Variants in TPRG1 observed in about 807,000 individuals in gnomAD.
The protein encoded by TPRG1 is tumor protein p63-regulated gene 1 protein.
TPRG1 carries 29 observed loss-of-function variants against 29.3 expected under a neutral mutation model. The ratio of observed to expected loss-of-function variants is 0.99; its 90% CI spans 0.74 to 1.35. TPRG1 has a LOEUF of 1.35. TPRG1 is among the 40% of genes most tolerant of loss of function. The pLI is 0.00. For synonymous variants in TPRG1, 130 were observed against 116.8 expected (o/e 1.11, Z -0.73); for missense variants, 327 against 335.0 (o/e 0.98, Z 0.19).
intron 2 of TPRG1, among the ~76,000 whole-genome samples, chr3:189,001,913 G>T (rs931072086): frequency 2.0e-5 from 3 of 152,204 alleles, no homozygotes; most frequent in African/African-American, 7.2e-5. Flanking sequence ...TTATCAAAGT[G>T]TTTTTTAAAT....
intron 3 of TPRG1, among the ~76,000 whole-genome samples, chr3:189,023,279 T>C (rs1300401175): frequency 6.6e-6 from 1 of 152,216 alleles, no homozygotes; most frequent in Non-Finnish European, 1.5e-5. Flanking sequence ...TTACTCCACT[T>C]GGTCTGTTCT....
At chr3:189,166,724 T>A (rs1416616733) in intron 5 of TPRG1, among the ~76,000 whole-genome samples, 1 of 152,244 alleles carries the variant, frequency 6.6e-6, no homozygotes. Flanking sequence ...TCTTCCTTCT[T>A]TAATTTCTTC....
At chr3:189,006,379 A>G (rs988046705) in intron 3 of TPRG1, among the ~76,000 whole-genome samples, 1 of 152,212 alleles carries the variant, frequency 6.6e-6, no homozygotes, top group Non-Finnish European at 1.5e-5. Context: ...GTGGAAAGTG[A>G]TAAATGATGC....
chr3:189,061,157 T>C (rs1716079953), intron 4 of TPRG1, among the ~76,000 whole-genome samples: 1 of 152,082 alleles, frequency 6.6e-6, no homozygotes, highest in Non-Finnish European at 1.5e-5. Context: ...TCACAACCAT[T>C]TGATCTTTGA....
At chr3:189,198,213 G>A (rs796131312) in intron 1 of TPRG1, among the ~76,000 whole-genome samples, 36 of 152,216 alleles carry the variant, frequency 2.4e-4, no homozygotes, top group African/African-American at 8.7e-4. Context: ...ACATTTGCCT[G>A]GAACATCCTC....
chr3:189,018,818 G>A (rs1713110623), intron 3 of TPRG1, among the ~76,000 whole-genome samples: 1 of 147,286 alleles, frequency 6.8e-6, no homozygotes, highest in Non-Finnish European at 1.5e-5. Context: ...AAATTACCTT[G>A]GGCAGTATGG....
chr3:189,119,767 C>A (rs997301258), intron 1 of TPRG1, among the ~76,000 whole-genome samples: 1 of 152,186 alleles, frequency 6.6e-6, no homozygotes, highest in Non-Finnish European at 1.5e-5. Flanking sequence ...TTTCCTGAGG[C>A]CTCCCCAGCC....
intron 4 of TPRG1, among the ~76,000 whole-genome samples, chr3:189,290,273 C>T (rs2109196642): frequency 6.6e-6 from 1 of 152,226 alleles, no homozygotes; most frequent in East Asian, 1.9e-4. Flanking sequence ...CCATATATGT[C>T]CCATCCTTCC....
chr3:189,260,246 A>C (rs1712761927), intron 4 of TPRG1, among the ~76,000 whole-genome samples: 1 of 152,174 alleles, frequency 6.6e-6, no homozygotes, highest in Admixed American at 6.5e-5. Flanking sequence ...TTAGAAGAAC[A>C]TTTGGTATAT....
At chr3:189,031,168 G>A (rs1713913496) in intron 4 of TPRG1, among the ~76,000 whole-genome samples, 1 of 152,116 alleles carries the variant, frequency 6.6e-6, no homozygotes, top group South Asian at 2.1e-4. Flanking sequence ...TCAGGTGCCT[G>A]TAATCCCAGC....
chr3:189,054,242 G>A (rs76234189), intron 4 of TPRG1, among the ~76,000 whole-genome samples: 2,850 of 152,118 alleles, frequency 0.019, 91 homozygotes, highest in African/African-American at 0.065. Flanking sequence ...GAGAAGGACG[G>A]GAGGATGACC....
chr3:189,173,342 C>T (rs1975626), intron 1 of TPRG1, among the ~76,000 whole-genome samples: 51,117 of 113,218 alleles, frequency 0.45, 9,839 homozygotes, highest in South Asian at 0.59. Context: ...TTTTCTTCTT[C>T]TTTTTTTTTT....
At chr3:189,254,260 C>A (rs1171020678) in intron 4 of TPRG1, among the ~76,000 whole-genome samples, 1 of 152,184 alleles carries the variant, frequency 6.6e-6, no homozygotes, top group Non-Finnish European at 1.5e-5. Flanking sequence ...TTTCCCAACA[C>A]CACTTATTAA....
At chr3:189,219,820 C>T (rs575038097) in intron 3 of TPRG1, 162 of 931,952 alleles carry the variant, frequency 1.7e-4, no homozygotes, top group African/African-American at 1.5e-3. Context: ...ATTTAAAAAC[C>T]GGTAATTCTT....
At chr3:189,031,090 G>A (rs1461442355) in intron 4 of TPRG1, among the ~76,000 whole-genome samples, 1 of 152,108 alleles carries the variant, frequency 6.6e-6, no homozygotes, top group African/African-American at 2.4e-5. Flanking sequence ...AGACCAGCCT[G>A]GCCAACATGG....
intron 4 of TPRG1, among the ~76,000 whole-genome samples, chr3:189,289,188 T>C (rs1213553060): frequency 1.3e-5 from 2 of 152,226 alleles, no homozygotes; most frequent in East Asian, 3.8e-4. Flanking sequence ...TATATCTTGC[T>C]TCCTTAAAAA....
chr3:189,135,556 T>A (rs1723645462), intron 3 of TPRG1, among the ~76,000 whole-genome samples: 1 of 152,242 alleles, frequency 6.6e-6, no homozygotes, highest in South Asian at 2.1e-4. Context: ...CTCTATTGTA[T>A]TCACTTTCCC....
chr3:189,022,355 T>G (rs1713369844), intron 3 of TPRG1, among the ~76,000 whole-genome samples: 2 of 145,648 alleles, frequency 1.4e-5, no homozygotes, highest in South Asian at 4.6e-4. Flanking sequence ...TTCCCCATCT[T>G]TGTGGTTTTA....
At chr3:189,006,158 G>A (rs1187686181) in intron 3 of TPRG1, among the ~76,000 whole-genome samples, 4 of 152,040 alleles carry the variant, frequency 2.6e-5, no homozygotes, top group Non-Finnish European at 4.4e-5. Context: ...CAATCCGCAT[G>A]CAGCTTCCCG....
Sources: allele counts gnomAD v4.1 joint callset (sites outside exome capture counted in the v4.1 genomes callset), GRCh38; gene constraint gnomAD v4.1.1; transcripts MANE v1.5; gene names NCBI Gene and HGNC (gene_info 2026-07-23, HGNC 2026-07-21).